MECOM: variants seen among roughly 807,000 people sequenced by gnomAD.
MECOM encodes the protein MDS1 and EVI1 complex locus.
Under a neutral mutation model 116.3 loss-of-function variants are expected in MECOM, and 13 were observed. The ratio of observed to expected loss-of-function variants is 0.11; its 90% confidence interval spans 0.07 to 0.18. The LOEUF is 0.18. MECOM is among the 10% of genes least tolerant of loss of function. The probability of loss-of-function intolerance (pLI) is 1.00; values close to 1 mark genes in which losing one functional copy is unlikely to be tolerated. For missense variants in MECOM, 1,299 were observed against 1,509.0 expected (o/e 0.86, Z 2.31); for synonymous variants, 528 against 535.2 (o/e 0.99, Z 0.19).
At chr3:169,135,490 G>A (rs1306842215) in intron 3 of MECOM, among the ~76,000 whole-genome samples, 1 of 151,798 alleles carries the variant, frequency 6.6e-6, no homozygotes, top group African/African-American at 2.4e-5. Context: ...AAGAAGAATG[G>A]GGCCTATAAG....
intron 1 of MECOM, among the ~76,000 whole-genome samples, chr3:169,660,769 G>A (rs970905364): frequency 6.6e-6 from 1 of 152,068 alleles, no homozygotes; most frequent in Admixed American, 6.5e-5. Flanking sequence ...GCGCTACTCG[G>A]GGGAAGGAAA....
rs116650653 is a variant in MECOM at position 169,435,363 on chromosome 3, C to T, written c.38-53839G>A. On this transcript the variant is annotated intron_variant, in intron 1 of 16. Transcript: ENST00000651503. ...GGTGTACTATCGGCTCATACATCAC[C>T]CGATTACTTGGAGAGCAGAAAGACC... Among the ~76,000 whole-genome samples the T allele has an allele frequency of 4.5e-3, 680 of 152,170 alleles. 6 individuals are homozygous for T. The highest frequency in any genetic ancestry group is 0.016 in the African/African-American group (654 of 41,508).
intron 10 of MECOM, among the ~76,000 whole-genome samples, chr3:169,106,142 G>A (rs999016481): frequency 3.9e-5 from 6 of 152,118 alleles, no homozygotes; most frequent in African/African-American, 1.4e-4. Context: ...TGATGGGAAA[G>A]TTTGTAGATT....
chr3:169,574,996 G>A (rs1017165864), intron 1 of MECOM, among the ~76,000 whole-genome samples: 2 of 152,098 alleles, frequency 1.3e-5, no homozygotes, highest in African/African-American at 4.8e-5. Flanking sequence ...TAATACAACC[G>A]AAGCAGGGGC....
intron 2 of MECOM, among the ~76,000 whole-genome samples, chr3:169,315,694 A>T (rs6780761): frequency 2.0e-5 from 3 of 152,042 alleles, no homozygotes; most frequent in Admixed American, 1.3e-4. Context: ...CACTGAACCC[A>T]AAGAGCGCCA....
intron 1 of MECOM, among the ~76,000 whole-genome samples, chr3:169,412,006 C>T (rs904142142): frequency 2.6e-5 from 4 of 151,708 alleles, no homozygotes; most frequent in African/African-American, 7.3e-5. Context: ...AAAAATAAGG[C>T]TGGGCACGGT....
chr3:169,202,206 T>C (rs544044690), intron 2 of MECOM, among the ~76,000 whole-genome samples: 13 of 152,310 alleles, frequency 8.5e-5, no homozygotes, highest in African/African-American at 2.9e-4. Context: ...ACAAAAAATA[T>C]ACTTCTTACC....
intron 1 of MECOM, among the ~76,000 whole-genome samples, chr3:169,393,318 G>T (rs1734523016): frequency 6.6e-6 from 1 of 152,122 alleles, no homozygotes; most frequent in Non-Finnish European, 1.5e-5. Flanking sequence ...AGTTCTTAGA[G>T]AAGTGTCAGT....
intron 1 of MECOM, among the ~76,000 whole-genome samples, chr3:169,557,940 G>A (rs773534561): frequency 2.6e-5 from 4 of 152,142 alleles, no homozygotes; most frequent in Non-Finnish European, 4.4e-5. Context: ...TGTACTTAAG[G>A]CTTGGCTACT....
chr3:169,573,924 G>T (rs1417224823), intron 1 of MECOM, among the ~76,000 whole-genome samples: 1 of 152,080 alleles, frequency 6.6e-6, no homozygotes, highest in Non-Finnish European at 1.5e-5. Context: ...AAACTTTTTT[G>T]ACTTTCATGA....
chr3:169,353,447 T>G (rs1310793084), intron 2 of MECOM, among the ~76,000 whole-genome samples: 4 of 151,870 alleles, frequency 2.6e-5, no homozygotes, highest in African/African-American at 9.7e-5. Context: ...GAGCCCCACA[T>G]AAAAATGTTT....
chr3:169,580,180 G>A (rs557562727), intron 1 of MECOM, among the ~76,000 whole-genome samples: 2 of 152,334 alleles, frequency 1.3e-5, no homozygotes, highest in South Asian at 2.1e-4. Flanking sequence ...GGACTTTAGA[G>A]AGAATATGGT....
intron 1 of MECOM, among the ~76,000 whole-genome samples, chr3:169,489,922 T>TAAGCAAAGTTCGCCCC (rs1178820802): frequency 6.6e-6 from 1 of 152,130 alleles, no homozygotes; most frequent in Non-Finnish European, 1.5e-5. Flanking sequence ...AAATTCCTGT[T>TAAGCAAAGTTCGCCCC]AAGCAAAGTT....
intron 2 of MECOM, among the ~76,000 whole-genome samples, chr3:169,300,441 C>G (rs1358286205): frequency 3.3e-5 from 5 of 152,142 alleles, no homozygotes; most frequent in Non-Finnish European, 7.4e-5. Context: ...GTTATACTAT[C>G]TCACAACATT....
At chr3:169,122,520 A>G in intron 6 of MECOM, 60 bp downstream of exon 6, 1 of 1,579,418 alleles carries the variant, frequency 6.3e-7, no homozygotes, top group Non-Finnish European at 8.6e-7. Context: ...GTAGCAAGTG[A>G]TGGATTAAGA....
At position 169,663,512 on chromosome 3, in the gene MECOM, CT is replaced by C. The variant is rs1418805044; in HGVS notation, c.-141del. On this transcript the variant is annotated 5_prime_UTR_variant, in exon 1 of 17. Transcript: ENST00000651503. ...TCTCTCTCTCTCTCTCTCTCTCTCT[CT>C]CTCTCTCTCTCTCTCTCCCTCCCTC... 1.0e-5 allele frequency: 7 copies of C among 679,332 alleles called. No homozygotes were observed. Among genetic ancestry groups the C allele is most frequent in the Middle Eastern group, 3.9e-4 (1 of 2,532 alleles). The allele number at this position is 679,332 out of a possible 1,614,324, so 42.1% of individuals were successfully genotyped here. A position where few individuals can be genotyped will look rare whatever the true frequency, so the allele number is the denominator to read the frequency against.
intron 2 of MECOM, among the ~76,000 whole-genome samples, chr3:169,312,137 G>A (rs2149733036): frequency 6.6e-6 from 1 of 152,238 alleles, no homozygotes; most frequent in African/African-American, 2.4e-5. Context: ...AGTCACCTTG[G>A]TTGCAATGTG....
intron 2 of MECOM, among the ~76,000 whole-genome samples, chr3:169,353,462 A>G (rs12639270): frequency 0.035 from 5,333 of 151,902 alleles, 191 homozygotes; most frequent in African/African-American, 0.095. Flanking sequence ...ATGTTTCCAA[A>G]TGGAGGACAA....
At chr3:169,458,103 AAG>A (rs1318339235) in intron 1 of MECOM, among the ~76,000 whole-genome samples, 1 of 152,238 alleles carries the variant, frequency 6.6e-6, no homozygotes, top group Non-Finnish European at 1.5e-5. Flanking sequence ...GAAGAAATAA[AAG>A]AGGATAAATT....
Sources: gnomAD v4.1 joint callset for allele counts (sites outside exome capture counted in the v4.1 genomes callset) on GRCh38, gnomAD v4.1.1 for gene constraint, MANE v1.5 for transcripts, NCBI Gene and HGNC (gene_info 2026-07-23, HGNC 2026-07-21) for gene names.